SENP2: variants seen among roughly 807,000 people sequenced by gnomAD.
SENP2 encodes the protein SUMO specific peptidase 2, also known as sentrin-specific protease 2.
In SENP2, 16 loss-of-function variants were observed where a neutral mutation model predicts 86.3. That is an observed-to-expected ratio of 0.19 (90% CI 0.13 to 0.28). SENP2 has a LOEUF of 0.28. SENP2 is among the 10% of genes least tolerant of loss of function. The probability of loss-of-function intolerance (pLI) is 1.00; values close to 1 mark genes in which losing one functional copy is unlikely to be tolerated. For missense variants in SENP2, 552 were observed against 703.0 expected (o/e 0.79, Z 2.43); for synonymous variants, 222 against 238.7 (o/e 0.93, Z 0.64).
chr3:185,606,357 TAGA>T lies in SENP2; in HGVS notation c.481_483del (p.Arg161del), dbSNP rs1451601201. 1.2e-6 allele frequency: 2 copies of T among 1,610,270 alleles called. No individual in the cohort carries two copies. The highest frequency in any genetic ancestry group is 1.3e-5 in the African/African-American group (1 of 74,588). ...TTACTTTGAACTCAGAAGGCTGTAA[TAGA>T]AGACCAGGTGGCCGTCGCCATAGCA... On this transcript the variant is annotated inframe_deletion, in exon 6 of 17. Coordinates refer to ENST00000296257, the MANE Select transcript of SENP2 (RefSeq NM_021627.3).
intron 10 of SENP2, 58 bp downstream of exon 10, chr3:185,613,466 G>A: frequency 1.9e-6 from 2 of 1,069,176 alleles, no homozygotes; most frequent in Non-Finnish European, 2.8e-6. Context: ...TTATGTTTTG[G>A]TGCCCATGAA....
At chr3:185,613,224 G>A (rs1722751153) in intron 9 of SENP2, 121 bp from the exon 10 acceptor site, 8 of 671,926 alleles carry the variant, frequency 1.2e-5, no homozygotes, top group Non-Finnish European at 2.1e-5. Flanking sequence ...CTGGTTTAGA[G>A]TATTATGTAA....
At position 185,587,570 on chromosome 3, in the gene SENP2, A is replaced by ATTTTTTTTTTT. The variant is rs398052522; in HGVS notation, c.101+1060_101+1070dup. ...CTTCAACTTTAGTGATCAAGTGTTA[A>ATTTTTTTTTTT]TTTTTTTTTTTTTTGAGAAGGAGTC... On this transcript the variant is annotated intron_variant, in intron 1 of 16. Transcript: ENST00000296257. Among the ~76,000 whole-genome samples, 18 of 118,822 alleles carry ATTTTTTTTTTT rather than the reference A, an allele frequency of 1.5e-4. 1 individual carries two copies. Among genetic ancestry groups the ATTTTTTTTTTT allele is most frequent in the South Asian group, 6.8e-4 (2 of 2,942 alleles). 78.0% of individuals were successfully genotyped at this position (118,822 alleles called of 152,430 possible).
At chr3:185,616,593 G>C (rs1045304946) in intron 11 of SENP2, among the ~76,000 whole-genome samples, 1 of 151,724 alleles carries the variant, frequency 6.6e-6, no homozygotes, top group Non-Finnish European at 1.5e-5. Flanking sequence ...GGCTAACACA[G>C]TGAAACCCCG....
In SENP2 at chr3:185,614,561, C is replaced by T. The variant is rs1324608665; in HGVS notation, c.934-3C>T. 6.3e-7 allele frequency: 1 copy of T among 1,588,720 alleles called. No individual in the cohort carries two copies. Among genetic ancestry groups the T allele is most frequent in the East Asian group, 2.2e-5 (1 of 44,546 alleles). On this transcript the variant is annotated splice_polypyrimidine_tract_variant and splice_region_variant and intron_variant, in intron 10 of 16. Transcript: ENST00000296257. ...AGTAGAATTTAGATAATTTTTTGAT[C>T]AGAGGAGGGGATACCAACTGGAGCC...
At chr3:185,598,332 G>A in intron 2 of SENP2, 80 bp from the exon 3 acceptor site, 6 of 1,431,462 alleles carry the variant, frequency 4.2e-6, no homozygotes, top group Non-Finnish European at 4.8e-6. Context: ...AAAATTGAGA[G>A]AGGCTCTTTC....
intron 5 of SENP2, among the ~76,000 whole-genome samples, chr3:185,603,517 C>A (rs1043276815): frequency 5.3e-5 from 8 of 152,066 alleles, no homozygotes; most frequent in African/African-American, 1.7e-4. Context: ...TGAAAGATAC[C>A]TGGTAACTAA....
At chr3:185,598,756 A>G (rs1722254436) in intron 3 of SENP2, among the ~76,000 whole-genome samples, 2 of 152,216 alleles carry the variant, frequency 1.3e-5, no homozygotes, top group African/African-American at 2.4e-5. Flanking sequence ...ATTATTACAT[A>G]TGCTTTCTTA....
chr3:185,606,732 G>A, intron 6 of SENP2: 1 of 530,236 alleles, frequency 1.9e-6, no homozygotes, highest in Non-Finnish European at 3.4e-6. Flanking sequence ...GTTCTTATGA[G>A]ATTGTCCAGA....
chr3:185,609,646 C>T (rs767217028), intron 7 of SENP2, among the ~76,000 whole-genome samples: 2 of 152,062 alleles, frequency 1.3e-5, no homozygotes, highest in Non-Finnish European at 2.9e-5. Context: ...AGAGTTTCTT[C>T]AACCTCCCCA....
chr3:185,596,545 T>C (rs1722179106), intron 2 of SENP2, among the ~76,000 whole-genome samples: 1 of 150,930 alleles, frequency 6.6e-6, no homozygotes, highest in Non-Finnish European at 1.5e-5. Flanking sequence ...CACTTGAGCC[T>C]GGGAGGTTGA....
At position 185,587,570 on chromosome 3, in the gene SENP2, A is replaced by ATTTTTTTT. The variant is rs398052522; in HGVS notation, c.101+1063_101+1070dup. Among the ~76,000 whole-genome samples, 551 of 118,800 alleles carry ATTTTTTTT rather than the reference A, an allele frequency of 4.6e-3. 44 individuals are homozygous for ATTTTTTTT. The highest frequency in any genetic ancestry group is 0.016 in the African/African-American group (512 of 31,704). 77.9% of individuals were successfully genotyped at this position (118,800 alleles called of 152,430 possible). The stretch of plus-strand genomic sequence containing the variant: ...CTTCAACTTTAGTGATCAAGTGTTA[A>ATTTTTTTT]TTTTTTTTTTTTTTGAGAAGGAGTC... On this transcript the variant is annotated intron_variant, in intron 1 of 16. Transcript: ENST00000296257.
chr3:185,623,625 C>A (rs533749799), intron 14 of SENP2, among the ~76,000 whole-genome samples: 2 of 151,842 alleles, frequency 1.3e-5, no homozygotes. Context: ...GAGATCGAGA[C>A]CATCCTGGCT....
Position 185,590,153 on chromosome 3 carries a change from C to T in SENP2, c.141C>T (p.Ala47=). 1 of 1,552,326 alleles carries T rather than the reference C, an allele frequency of 6.4e-7. No homozygotes were observed. The highest frequency in any genetic ancestry group is 8.7e-7 in the Non-Finnish European group (1 of 1,148,296). The change falls in exon 2 of 17, where the codon GCC becomes GCT. Residue 47 remains alanine, a synonymous_variant. Transcript: ENST00000296257. The part of the protein sequence containing the change: ...FSTVDTDEIP[A]KRPRLDCFIH... ...CAGTGGACACTGATGAAATACCAGC[C>T]AAAAGACCAAGATTAGGTACTGAAT...
chr3:185,594,831 C>T (rs1722125875), intron 2 of SENP2, among the ~76,000 whole-genome samples: 1 of 152,104 alleles, frequency 6.6e-6, no homozygotes, highest in African/African-American at 2.4e-5. Context: ...ATTGGCCAGG[C>T]TGGTCTCGAA....
rs1290499581 is a variant in SENP2, at chr3:185,606,480, C to G, written c.600C>G (p.Pro200=). The stretch of plus-strand genomic sequence containing the variant: ...AGAGTGGCAAGGGTCTGAGGCGTCC[C>G]CATTGTACTGTGGAGGAGGTAAGCC... ...SEESGKGLRR[P]HCTVEEGVQK... is the part of the protein sequence containing the mutation. Residue 200 remains proline (P), a synonymous_variant, in exon 6 of 17, where the codon CCC becomes CCG. Transcript: ENST00000296257. 6.9e-6 allele frequency: 11 copies of G among 1,602,566 alleles called. No homozygotes were observed. Among genetic ancestry groups the G allele is most frequent in the Non-Finnish European group, 9.3e-6 (11 of 1,177,106 alleles).
intron 1 of SENP2, among the ~76,000 whole-genome samples, chr3:185,587,570 A>ATTTTTTTTTTTTTTTTTTTT (rs398052522): frequency 0.015 from 1,781 of 118,524 alleles, 246 homozygotes; most frequent in South Asian, 0.056. Context: ...TCAAGTGTTA[A>ATTTTTTTTTTTTTTTTTTTT]TTTTTTTTTT....
chr3:185,616,020 G>A (rs942514377), intron 11 of SENP2, among the ~76,000 whole-genome samples: 11 of 151,396 alleles, frequency 7.3e-5, no homozygotes, highest in Admixed American at 1.3e-4. Context: ...GTGCCACCAC[G>A]CCCAGCTAAT....
intron 14 of SENP2, among the ~76,000 whole-genome samples, chr3:185,622,428 G>C (rs1711932318): frequency 6.6e-6 from 1 of 152,056 alleles, no homozygotes; most frequent in Non-Finnish European, 1.5e-5. Context: ...CAGTAAGATG[G>C]GTCCATTTTT....
Sources: gnomAD v4.1 joint callset for allele counts (sites outside exome capture counted in the v4.1 genomes callset) on GRCh38, gnomAD v4.1.1 for gene constraint, MANE v1.5 for transcripts, NCBI Gene and HGNC (gene_info 2026-07-23, HGNC 2026-07-21) for gene names.